Variants in TLCD4 observed in about 807,000 individuals in gnomAD.
TLCD4 encodes TLC domain containing 4, also known as TLC domain-containing protein 4.
A neutral mutation model predicts 24.2 loss-of-function variants in TLCD4; 7 were observed. That is an observed-to-expected ratio of 0.29 (90% CI 0.16 to 0.54). TLCD4 has a LOEUF of 0.54. TLCD4 is among the 20% of genes least tolerant of loss of function. TLCD4 has a pLI of 0.95. For synonymous variants in TLCD4, 103 were observed against 106.4 expected, an observed-to-expected ratio of 0.97 and a Z score of 0.20; for missense variants, 259 against 313.9, an observed-to-expected ratio of 0.82 and a Z score of 1.32.
intron 6 of TLCD4, among the ~76,000 whole-genome samples, chr1:95,178,563 C>CTTTTTTTTTTTTTT (rs57190787): frequency 1.2e-5 from 1 of 82,358 alleles, no homozygotes. Flanking sequence ...ATGCCCAGCC[C>CTTTTTTTTTTTTTT]TTTTTTTTTT....
At position 95,148,774 on chromosome 1, in the gene TLCD4, T is replaced by C. The variant is rs764071408; in HGVS notation, c.228T>C (p.Thr76=). The C allele has an allele frequency of 9.9e-6, 16 of 1,613,490 alleles. No homozygotes were observed. The African/African-American group carries it at 1.7e-4, about 17-fold the overall frequency. The change falls in exon 3 of 7, where the codon ACT becomes ACC. Residue 76 remains threonine, a synonymous_variant. Coordinates refer to ENST00000370203, the MANE Select transcript of TLCD4 (RefSeq NM_152487.3). The part of the protein sequence containing the change: ...GLYIFLFDEA[T]KADPLWGGPS... ...ACATTTTCTTATTCGATGAGGCTAC[T>C]AAAGCTGATCCACTTTGGTAAGCTG...
chr1:95,186,056 A>G (rs952652304), intron 6 of TLCD4, among the ~76,000 whole-genome samples: 3 of 152,212 alleles, frequency 2.0e-5, no homozygotes, highest in African/African-American at 7.2e-5. Context: ...CTGAAGTTCA[A>G]ATCTTTTAAA....
chr1:95,153,931 G>A (rs1382984957), intron 5 of TLCD4, among the ~76,000 whole-genome samples: 1 of 152,132 alleles, frequency 6.6e-6, no homozygotes, highest in East Asian at 1.9e-4. Flanking sequence ...GGGTGGTAAA[G>A]AGAGGTAGGG....
chr1:95,130,002 T>C (rs563563551), intron 1 of TLCD4, among the ~76,000 whole-genome samples: 76 of 152,304 alleles, frequency 5.0e-4, no homozygotes, highest in African/African-American at 1.6e-3. Flanking sequence ...TTTTTCCCTA[T>C]ATGTCTCTTC....
rs528542476 is a variant in TLCD4, at chr1:95,137,628, A to G, written c.-11-6263A>G. Among the ~76,000 whole-genome samples, 8 of 151,796 alleles carry G rather than the reference A, an allele frequency of 5.3e-5. No individual in the cohort carries two copies. In the South Asian group the frequency reaches 1.7e-3, roughly 32 times the overall value. Reference sequence around the variant, plus strand: ...ACTGAGTCTGTTTTTTCTAAAGTCAATTTCCTTTAAAATTGCCCCTTCTTC... The same window carrying G: ...ACTGAGTCTGTTTTTTCTAAAGTCAGTTTCCTTTAAAATTGCCCCTTCTTC... On this transcript the variant is annotated intron_variant, in intron 1 of 6. Transcript: ENST00000370203.
At chr1:95,129,179 CTG>C (rs1394055830) in intron 1 of TLCD4, among the ~76,000 whole-genome samples, 2 of 152,144 alleles carry the variant, frequency 1.3e-5, no homozygotes, top group Non-Finnish European at 2.9e-5. Flanking sequence ...TCAAAACAAT[CTG>C]TAATCCAAAA....
chr1:95,132,562 G>C (rs1265694927), intron 1 of TLCD4, among the ~76,000 whole-genome samples: 1 of 152,076 alleles, frequency 6.6e-6, no homozygotes, highest in Non-Finnish European at 1.5e-5. Context: ...GAACCTAGCT[G>C]AGGACCAAGT....
chr1:95,186,097 A>G (rs764589126), intron 6 of TLCD4, among the ~76,000 whole-genome samples: 54 of 152,338 alleles, frequency 3.5e-4, no homozygotes, highest in Middle Eastern at 3.4e-3. Flanking sequence ...CTTAATAAAG[A>G]TTGGTGGGTA....
intron 1 of TLCD4, among the ~76,000 whole-genome samples, chr1:95,133,790 A>G (rs1676969780): frequency 6.6e-6 from 1 of 152,034 alleles, no homozygotes; most frequent in South Asian, 2.1e-4. Context: ...ACTGGCTTCA[A>G]CCTTCTCATG....
intron 5 of TLCD4, among the ~76,000 whole-genome samples, chr1:95,166,693 G>A (rs1571762901): frequency 6.6e-6 from 1 of 152,106 alleles, no homozygotes; most frequent in Non-Finnish European, 1.5e-5. Flanking sequence ...GGAATAGGCC[G>A]TTTTAGGCCT....
chr1:95,133,552 A>G (rs1348890401), intron 1 of TLCD4, among the ~76,000 whole-genome samples: 2 of 152,184 alleles, frequency 1.3e-5, no homozygotes, highest in Admixed American at 6.5e-5. Flanking sequence ...GGTAGTTTGT[A>G]TAGTTGGTAG....
Position 95,165,465 on chromosome 1 carries a change from GT to G in TLCD4, c.400-8350del, listed in dbSNP as rs113715131. 3.2e-3 allele frequency among the ~76,000 whole-genome samples: 171 copies of G among 52,648 alleles called. 1 individual carries two copies. Among genetic ancestry groups the G allele is most frequent in the South Asian group, 9.4e-3 (14 of 1,488 alleles). 34.5% of individuals were successfully genotyped at this position (52,648 alleles called of 152,430 possible). On this transcript the variant is annotated intron_variant, in intron 5 of 6. Transcript: ENST00000370203. ...GGGCAAATAGTATGTGTGTGTGTGT[GT>G]GTTTTTTTTTTTTTTTCAGACAAAG...
chr1:95,131,097 A>T (rs888538890), intron 1 of TLCD4, among the ~76,000 whole-genome samples: 9 of 152,192 alleles, frequency 5.9e-5, no homozygotes, highest in Non-Finnish European at 1.2e-4. Flanking sequence ...CATGGAAGAC[A>T]TTGTGTTGTG....
rs761615986 is a variant in TLCD4, at chr1:95,191,695, C to T, written c.619C>T (p.Pro207Ser). 1.2e-6 allele frequency: 2 copies of T among 1,614,018 alleles called. No individual in the cohort carries two copies. Among genetic ancestry groups the T allele is most frequent in the African/African-American group, 2.7e-5 (2 of 74,900 alleles). Residue 207 changes from proline to serine, a missense_variant, in exon 7 of 7, where the codon CCC becomes TCC. Coordinates refer to ENST00000370203, the MANE Select transcript of TLCD4 (RefSeq NM_152487.3). ...GFMYSVYGTEPYIRLGVLIQL... is the reference protein window; with the variant it reads ...GFMYSVYGTESYIRLGVLIQL... The stretch of plus-strand genomic sequence containing the variant: ...CATGTATTCCGTGTATGGAACAGAA[C>T]CCTACATAAGGCTTGGAGTTTTAAT...
intron 1 of TLCD4, among the ~76,000 whole-genome samples, chr1:95,124,626 T>C (rs74987266): frequency 1.3e-5 from 2 of 152,048 alleles, no homozygotes; most frequent in East Asian, 3.9e-4. Flanking sequence ...CAGAAATAGC[T>C]TTAAGAGGAC....
chr1:95,164,303 G>T (rs1401160094), intron 5 of TLCD4: 12 of 152,494 alleles, frequency 7.9e-5, no homozygotes, highest in Admixed American at 1.3e-4. Flanking sequence ...TCTGAGCCAG[G>T]CGCGGGATAT....
chr1:95,145,099 A>T (rs1336973784), intron 2 of TLCD4, among the ~76,000 whole-genome samples: 3 of 152,218 alleles, frequency 2.0e-5, no homozygotes. Flanking sequence ...GCTTTAGAGC[A>T]TTTTATGTCC....
intron 6 of TLCD4, among the ~76,000 whole-genome samples, chr1:95,182,862 G>T (rs1161588998): frequency 6.6e-6 from 1 of 151,830 alleles, no homozygotes; most frequent in Non-Finnish European, 1.5e-5. Flanking sequence ...GGAGAGGGAA[G>T]GGCCTTCATT....
rs558460187 is a variant in TLCD4, at chr1:95,165,379, C to T, written c.400-8437C>T. 4.6e-5 allele frequency among the ~76,000 whole-genome samples: 7 copies of T among 151,188 alleles called. No homozygotes were observed. In the South Asian group the frequency reaches 1.0e-3, roughly 23 times the overall value. On this transcript the variant is annotated intron_variant, in intron 5 of 6. Transcript: ENST00000370203. ...TAACTTTGAGTGAATATCCATATAT[C>T]TTCTCATTTGTGCACATGAATAATT...
Sources: gnomAD v4.1 joint callset for allele counts (sites outside exome capture counted in the v4.1 genomes callset) on GRCh38, gnomAD v4.1.1 for gene constraint, MANE v1.5 for transcripts, NCBI Gene and HGNC (gene_info 2026-07-23, HGNC 2026-07-21) for gene names.